Variants in PRR16 observed in about 807,000 individuals in gnomAD.
PRR16 encodes protein Largen.
In PRR16, 6 loss-of-function variants were observed where a neutral mutation model predicts 18.2. That is an observed-to-expected ratio of 0.33 (90% CI 0.18 to 0.65). The LOEUF (loss-of-function observed/expected upper bound fraction) is 0.65, where lower values mean the gene tolerates loss of function less well. Ranked by LOEUF, PRR16 falls within the 30% of genes least tolerant of loss-of-function variation. The probability of loss-of-function intolerance (pLI) is 0.74; values close to 1 mark genes in which losing one functional copy is unlikely to be tolerated. For synonymous variants in PRR16, 151 were observed against 147.8 expected (o/e 1.02, Z -0.16); for missense variants, 412 against 376.6 (o/e 1.09, Z -0.78).
At chr5:120,581,530 C>G (rs1753272683) in intron 1 of PRR16, among the ~76,000 whole-genome samples, 1 of 152,044 alleles carries the variant, frequency 6.6e-6, no homozygotes, top group Non-Finnish European at 1.5e-5. Context: ...CAATTCTTCT[C>G]TGATCTTAGT....
chr5:120,619,741 A>T (rs1754625952), intron 1 of PRR16, among the ~76,000 whole-genome samples: 1 of 152,132 alleles, frequency 6.6e-6, no homozygotes, highest in Admixed American at 6.6e-5. Flanking sequence ...AAAAATTAAC[A>T]GTCTAAACTA....
chr5:120,679,613 T>A (rs1756909703), intron 1 of PRR16, among the ~76,000 whole-genome samples: 1 of 152,166 alleles, frequency 6.6e-6, no homozygotes, highest in Non-Finnish European at 1.5e-5. Flanking sequence ...GATTTACTTA[T>A]TTTATTTCTT....
At chr5:120,651,648 G>A (rs1220273049) in intron 1 of PRR16, among the ~76,000 whole-genome samples, 1 of 152,028 alleles carries the variant, frequency 6.6e-6, no homozygotes. Flanking sequence ...TAGATATGTG[G>A]CATTATTTCT....
chr5:120,632,307 G>A (rs191387127), intron 1 of PRR16, among the ~76,000 whole-genome samples: 60 of 152,058 alleles, frequency 3.9e-4, no homozygotes, highest in African/African-American at 1.4e-3. Flanking sequence ...TGGTAATATG[G>A]CAAAACAAGG....
the PRR16 span, among the ~76,000 whole-genome samples, chr5:120,783,702 T>A: frequency 1.3e-5 from 2 of 152,172 alleles, no homozygotes; most frequent in Admixed American, 6.5e-5. Context: ...AAAACATTTA[T>A]CATGTTTTTG....
chr5:120,770,451 G>T, the PRR16 span, among the ~76,000 whole-genome samples: 9 of 151,828 alleles, frequency 5.9e-5, no homozygotes, highest in Non-Finnish European at 1.3e-4. Flanking sequence ...TAAACATAAG[G>T]TCTGAAACTA....
chr5:120,473,568 A>G (rs1308331796), intron 1 of PRR16, among the ~76,000 whole-genome samples: 3 of 152,218 alleles, frequency 2.0e-5, no homozygotes, highest in Non-Finnish European at 4.4e-5. Context: ...AATGGTTCCT[A>G]TGCATAAAGC....
the PRR16 span, among the ~76,000 whole-genome samples, chr5:120,757,968 GTAAT>G: frequency 2.6e-5 from 4 of 152,044 alleles, no homozygotes; most frequent in Non-Finnish European, 1.5e-5. Flanking sequence ...TAAGGAGTGA[GTAAT>G]TACATGTAAA....
the PRR16 span, among the ~76,000 whole-genome samples, chr5:120,734,063 G>A: frequency 6.6e-6 from 1 of 151,956 alleles, no homozygotes; most frequent in Admixed American, 6.6e-5. Context: ...TTTTAAATGT[G>A]TTACATCTGT....
At chr5:120,639,256 C>A (rs1468644236) in intron 1 of PRR16, among the ~76,000 whole-genome samples, 1 of 151,544 alleles carries the variant, frequency 6.6e-6, no homozygotes, top group Non-Finnish European at 1.5e-5. Flanking sequence ...TTTGTTTAAA[C>A]CATATAATTG....
chr5:120,486,053 T>C (rs905851725), intron 1 of PRR16, among the ~76,000 whole-genome samples: 4 of 152,178 alleles, frequency 2.6e-5, no homozygotes, highest in Non-Finnish European at 5.9e-5. Context: ...CTATCATTGT[T>C]GGACATTTGG....
intron 1 of PRR16, among the ~76,000 whole-genome samples, chr5:120,526,268 C>T (rs1224923358): frequency 6.6e-6 from 1 of 152,148 alleles, no homozygotes; most frequent in Non-Finnish European, 1.5e-5. Context: ...TTCCGTTCCA[C>T]CTGTCTTCTC....
At chr5:120,774,995 T>C in the PRR16 span, among the ~76,000 whole-genome samples, 1 of 152,176 alleles carries the variant, frequency 6.6e-6, no homozygotes. Context: ...GCAGCCAAGC[T>C]TCTCTTTTAG....
chr5:120,536,598 A>G (rs145374008), intron 1 of PRR16, among the ~76,000 whole-genome samples: 4 of 152,200 alleles, frequency 2.6e-5, no homozygotes, highest in Admixed American at 6.5e-5. Flanking sequence ...ATGAGAAAGG[A>G]TGGCAGTTTT....
chr5:120,668,830 A>T (rs1451068417), intron 1 of PRR16, among the ~76,000 whole-genome samples: 1 of 152,156 alleles, frequency 6.6e-6, no homozygotes, highest in East Asian at 1.9e-4. Flanking sequence ...ATCAGCTGTT[A>T]GTCTGATGGG....
At chr5:120,662,089 A>G (rs991648302) in intron 1 of PRR16, among the ~76,000 whole-genome samples, 3 of 152,116 alleles carry the variant, frequency 2.0e-5, no homozygotes, top group Non-Finnish European at 4.4e-5. Context: ...CTTCACTGCT[A>G]CATCCTGACA....
the PRR16 span, among the ~76,000 whole-genome samples, chr5:120,697,551 C>T: frequency 2.0e-5 from 3 of 152,098 alleles, no homozygotes; most frequent in Non-Finnish European, 2.9e-5. Context: ...CATTTTCATG[C>T]GCGTCCATGT....
intron 1 of PRR16, among the ~76,000 whole-genome samples, chr5:120,475,113 C>T (rs1325463595): frequency 6.6e-6 from 1 of 152,154 alleles, no homozygotes; most frequent in Non-Finnish European, 1.5e-5. Context: ...AGTTAACTCA[C>T]TTAATCCTCA....
At chr5:120,653,111 C>A (rs1056973032) in intron 1 of PRR16, among the ~76,000 whole-genome samples, 1 of 151,648 alleles carries the variant, frequency 6.6e-6, no homozygotes, top group African/African-American at 2.4e-5. Flanking sequence ...TATTATAAAT[C>A]AAGAAAAATG....
Sources: allele counts gnomAD v4.1 joint callset (sites outside exome capture counted in the v4.1 genomes callset), GRCh38; gene constraint gnomAD v4.1.1; transcripts MANE v1.5; gene names NCBI Gene and HGNC (gene_info 2026-07-23, HGNC 2026-07-21).